DNAH17: variants seen among roughly 807,000 people sequenced by gnomAD.
The protein encoded by DNAH17 is dynein axonemal heavy chain 17.
In DNAH17, 376 loss-of-function variants were observed where a neutral mutation model predicts 485.6. The ratio of observed to expected loss-of-function variants is 0.77; its 90% CI spans 0.71 to 0.84. The LOEUF is 0.84. Ranked by LOEUF, DNAH17 falls within the 40% of genes least tolerant of loss-of-function variation. The pLI, the probability that DNAH17 is intolerant of heterozygous loss-of-function variation, is 0.00. For synonymous variants in DNAH17, 3,031 were observed against 2,405.9 expected (o/e 1.26, Z -7.60); for missense variants, 6,370 against 5,839.3 (o/e 1.09, Z -2.96).
At chr17:78,535,880 C>T (rs988650791) in intron 19 of DNAH17, among the ~76,000 whole-genome samples, 1 of 152,220 alleles carries the variant, frequency 6.6e-6, no homozygotes, top group Non-Finnish European at 1.5e-5. Context: ...CAAGCCACTC[C>T]CCTCTTCCAC....
Position 78,491,540 on chromosome 17 carries a change from G to A in DNAH17, c.6572C>T (p.Ala2191Val), listed in dbSNP as rs990005866. The A allele has an allele frequency of 6.2e-7, 1 of 1,613,884 alleles. No individual in the cohort carries two copies. Among genetic ancestry groups the A allele is most frequent in the African/African-American group, 1.3e-5 (1 of 74,910 alleles). ...CTTGGGGCCGTCATGGGTGATGTTG[G>A]CCAGGTCTCGCATGATGGTGGAGAA... is the stretch of plus-strand genomic sequence containing the variant. The part of the protein sequence containing the change: ...GLFSTIMRDL[A>V]NITHDGPKWI... Residue 2191 changes from alanine (A) to valine (V), a missense_variant, in exon 43 of 81, where the codon GCC (alanine) becomes GTC (valine). Physicochemically the swap from Ala to Val is moderately conservative, Grantham distance 64 (BLOSUM62 0). Coordinates refer to ENST00000389840, the MANE Select transcript of DNAH17 (RefSeq NM_173628.4).
chr17:78,441,299 G>A (rs1419885966), intron 71 of DNAH17, 100 bp from the exon 72 acceptor site: 2 of 1,373,252 alleles, frequency 1.5e-6, no homozygotes, highest in Admixed American at 4.4e-5. Context: ...CCATTTTTTG[G>A]TGGACTTTCT....
chr17:78,545,281 A>G (rs1002198505), intron 16 of DNAH17, among the ~76,000 whole-genome samples: 4 of 152,174 alleles, frequency 2.6e-5, no homozygotes, highest in Non-Finnish European at 4.4e-5. Context: ...TTTTTTTATT[A>G]GCAGTTTTAT....
At position 78,459,079 on chromosome 17, in the gene DNAH17, C is replaced by T. The variant is rs2146524483; in HGVS notation, c.9783G>A (p.Lys3261=). ...FYEVYCDVAP[K]RQALEEANAE... is the part of the protein sequence containing the mutation. ...CATTAGCCTCCTCCAGTGCCTGCCT[C>T]TTGGGCGCCACGTCGCAGTAGACCT... Residue 3261 remains lysine, a synonymous_variant, in exon 61 of 81, where the codon AAG becomes AAA. Transcript: ENST00000389840. 1 of 1,614,056 alleles carries T rather than the reference C, an allele frequency of 6.2e-7. No individual in the cohort carries two copies. Among genetic ancestry groups the T allele is most frequent in the Non-Finnish European group, 8.5e-7 (1 of 1,179,910 alleles).
At chr17:78,484,739 A>ACCCCCCCGGCCCCCCCCCCCCCCCCCC in intron 48 of DNAH17, 129 bp downstream of exon 48, 1 of 347,798 alleles carries the variant, frequency 2.9e-6, no homozygotes. Flanking sequence ...ACGTTGCAGC[A>ACCCCCCCGGCCCCCCCCCCCCCCCCCC]CCCCCCCCAC....
chr17:78,468,827 G>T lies in DNAH17; in HGVS notation c.8568C>A (p.Phe2856Leu). 1 of 1,614,006 alleles carries T rather than the reference G, an allele frequency of 6.2e-7. No homozygotes were observed. Among genetic ancestry groups the T allele is most frequent in the East Asian group, 2.2e-5 (1 of 44,884 alleles). Residue 2856 changes from phenylalanine to leucine, a missense_variant, in exon 55 of 81, where the codon TTC becomes TTA. Transcript: ENST00000389840. Reference sequence around the variant, plus strand: ...CGGCCACCTGGGAGTCTGTCATCAGGAACACCGAGGGAACGTTCTTCACGG... The same window carrying T: ...CGGCCACCTGGGAGTCTGTCATCAGTAACACCGAGGGAACGTTCTTCACGG... Reference protein sequence around the residue: ...KAAVKNVPSVFLMTDSQVAEE... With the variant: ...KAAVKNVPSVLLMTDSQVAEE...
chr17:78,462,001 T>C (rs914787390), intron 57 of DNAH17, among the ~76,000 whole-genome samples: 4 of 151,718 alleles, frequency 2.6e-5, no homozygotes, highest in African/African-American at 9.7e-5. Context: ...TGAGACCCTG[T>C]CTGTATAAAT....
intron 68 of DNAH17, 95 bp from the exon 69 acceptor site, chr17:78,449,679 GTTTGT>G (rs1404387629): frequency 3.1e-6 from 4 of 1,297,202 alleles, no homozygotes; most frequent in African/African-American, 3.0e-5. Context: ...GTGGCCTCCA[GTTTGT>G]TTTGTTTCTT....
At chr17:78,570,022 T>TCCG (rs1429504367) in intron 7 of DNAH17, among the ~76,000 whole-genome samples, 3 of 152,152 alleles carry the variant, frequency 2.0e-5, no homozygotes, top group African/African-American at 7.2e-5. Context: ...GACCTCCTCC[T>TCCG]CTGTCCCCGT....
chr17:78,537,920 C>T (rs1241627189), intron 18 of DNAH17, among the ~76,000 whole-genome samples: 1 of 152,128 alleles, frequency 6.6e-6, no homozygotes, highest in Non-Finnish European at 1.5e-5. Flanking sequence ...GGGTGGATCA[C>T]CTGAGGTCAG....
rs973175465 is a variant in DNAH17 at position 78,534,921 on chromosome 17, A to T, written c.2860-2185T>A. On this transcript the variant is annotated intron_variant, in intron 19 of 80. Coordinates refer to ENST00000389840, the MANE Select transcript of DNAH17 (RefSeq NM_173628.4). The stretch of plus-strand genomic sequence containing the variant: ...CATCCCTTGGGTACTCTCTGCCACC[A>T]AGCTAGGGTACTTGGGTCTCTGGGA... Among the ~76,000 whole-genome samples, 4 of 152,148 alleles carry T rather than the reference A, an allele frequency of 2.6e-5. 1 individual carries two copies. In the East Asian group the frequency reaches 7.7e-4, roughly 29 times the overall value.
chr17:78,573,597 CAAA>C (rs112944174), intron 2 of DNAH17, among the ~76,000 whole-genome samples: 1 of 119,522 alleles, frequency 8.4e-6, no homozygotes, highest in Non-Finnish European at 1.8e-5. Context: ...AAAATACTGT[CAAA>C]AAAAAAAAAA....
At chr17:78,502,492 A>T in intron 33 of DNAH17, 99 bp downstream of exon 33, 2 of 1,176,996 alleles carry the variant, frequency 1.7e-6, no homozygotes, top group South Asian at 1.6e-5. Flanking sequence ...AAGCCGCTCC[A>T]GGTACTCGCC....
chr17:78,465,212 G>C (rs1283195095), intron 56 of DNAH17, among the ~76,000 whole-genome samples: 1 of 152,162 alleles, frequency 6.6e-6, no homozygotes. Flanking sequence ...GATTGCAGAC[G>C]GAGTCTCATT....
rs1443797106 is a variant in DNAH17, at chr17:78,541,237, GGGT to G, written c.2533-1360_2533-1358del. Among the ~76,000 whole-genome samples, 43 of 29,944 alleles carry G rather than the reference GGGT, an allele frequency of 1.4e-3. 12 individuals are homozygous for G. Among genetic ancestry groups the G allele is most frequent in the African/African-American group, 5.7e-3 (32 of 5,630 alleles). The allele number at this position is 29,944 out of a possible 152,430, so 19.6% of individuals were successfully genotyped here. A position where few individuals can be genotyped will look rare whatever the true frequency, so the allele number is the denominator to read the frequency against. ...TGGGTGGGGGGGTGAGCGGATGGGT[GGGT>G]GGGGGGGTGAGCAGATGGGTGGGGG... is the stretch of plus-strand genomic sequence containing the variant. On this transcript the variant is annotated intron_variant, in intron 17 of 80. Transcript: ENST00000389840.
chr17:78,463,173 C>A, intron 56 of DNAH17, 96 bp from the exon 57 acceptor site: 2 of 1,128,788 alleles, frequency 1.8e-6, no homozygotes, highest in Non-Finnish European at 2.6e-6. Context: ...GGACAAGGTG[C>A]CCTGAGACCG....
chr17:78,462,952 C>G lies in DNAH17; in HGVS notation c.9066G>C (p.Glu3022Asp). The G allele has an allele frequency of 6.2e-7, 1 of 1,614,012 alleles. No homozygotes were observed. The highest frequency in any genetic ancestry group is 8.5e-7 in the Non-Finnish European group (1 of 1,179,904). Residue 3022 changes from glutamate (E) to aspartate (D), a missense_variant, in exon 57 of 81, where the codon GAG becomes GAC. Glu to Asp is a conservative substitution (Grantham distance 45, BLOSUM62 2). Transcript: ENST00000389840. Reference sequence around the variant, plus strand: ...GCAGGTTCTGGTACAGTTTGATCTGCTCCAGAAAGGTTTTGGGTGTGGTGT... The same window carrying G: ...GCAGGTTCTGGTACAGTTTGATCTGGTCCAGAAAGGTTTTGGGTGTGGTGT... Reference protein sequence around the residue: ...YNYTTPKTFLEQIKLYQNLLA... With the variant: ...YNYTTPKTFLDQIKLYQNLLA...
chr17:78,463,968 T>C (rs1366157368), intron 56 of DNAH17, among the ~76,000 whole-genome samples: 1 of 152,242 alleles, frequency 6.6e-6, no homozygotes, highest in Non-Finnish European at 1.5e-5. Flanking sequence ...GGGACACCTT[T>C]GAACTGCAGA....
chr17:78,440,971 T>C, intron 72 of DNAH17, 80 bp downstream of exon 72: 2 of 1,521,684 alleles, frequency 1.3e-6, no homozygotes, highest in Non-Finnish European at 1.8e-6. Flanking sequence ...TCTCATGTGC[T>C]TTTGGTGTGC....
Sources: gnomAD v4.1 joint callset for allele counts (sites outside exome capture counted in the v4.1 genomes callset) on GRCh38, gnomAD v4.1.1 for gene constraint, MANE v1.5 for transcripts, NCBI Gene and HGNC (gene_info 2026-07-23, HGNC 2026-07-21) for gene names.